Variants in MVB12B observed in about 807,000 individuals in gnomAD.
The protein encoded by MVB12B is ESCRT-I complex subunit MVB12B.
Under a neutral mutation model 41.6 loss-of-function variants are expected in MVB12B, and 16 were observed. That is an observed-to-expected ratio of 0.38 (90% CI 0.26 to 0.58). The LOEUF (loss-of-function observed/expected upper bound fraction) is 0.58. Among genes scored for constraint, MVB12B ranks in the 20% least tolerant of loss-of-function variants. The pLI, the probability that MVB12B is intolerant of heterozygous loss-of-function variation, is 0.62. For synonymous variants in MVB12B, 133 were observed against 139.7 expected, an observed-to-expected ratio of 0.95 and a Z score of 0.34; for missense variants, 274 against 380.2, an observed-to-expected ratio of 0.72 and a Z score of 2.32.
chr9:126,447,160 G>T (rs1165871954), intron 7 of MVB12B, among the ~76,000 whole-genome samples: 1 of 150,232 alleles, frequency 6.7e-6, no homozygotes, highest in Non-Finnish European at 1.5e-5. Context: ...GGCCAGGCTG[G>T]TCTCCAACTC....
intron 6 of MVB12B, among the ~76,000 whole-genome samples, chr9:126,409,104 G>A (rs1018143630): frequency 1.3e-5 from 2 of 149,254 alleles, no homozygotes; most frequent in Non-Finnish European, 3.0e-5. Flanking sequence ...ACGGCATCGT[G>A]ACTTCCATTG....
chr9:126,396,475 T>G, intron 6 of MVB12B: 1 of 985,492 alleles, frequency 1.0e-6, no homozygotes, highest in Non-Finnish European at 1.2e-6. Flanking sequence ...AGAATGGATC[T>G]CCAAGCTTCC....
In MVB12B at chr9:126,492,851, A is replaced by G. The variant is rs536980834; in HGVS notation, c.873+8819A>G. ...AGAGAGAGACCCTGTCTCTTAAAAC[A>G]AAAAACAATTTGGCCACTCTTCAAG... On this transcript the variant is annotated intron_variant, in intron 9 of 9. Transcript: ENST00000361171. Among the ~76,000 whole-genome samples, 47 of 152,298 alleles carry G rather than the reference A, an allele frequency of 3.1e-4. 1 individual carries two copies. Among genetic ancestry groups the G allele is most frequent in the Non-Finnish European group, 5.6e-4 (38 of 68,018 alleles).
At chr9:126,371,970 G>A (rs1489219035) in intron 2 of MVB12B, among the ~76,000 whole-genome samples, 1 of 152,064 alleles carries the variant, frequency 6.6e-6, no homozygotes, top group Non-Finnish European at 1.5e-5. Flanking sequence ...AACTATCACT[G>A]CCACCTAATT....
intron 6 of MVB12B, among the ~76,000 whole-genome samples, chr9:126,415,278 T>G (rs1239565030): frequency 6.6e-6 from 1 of 152,148 alleles, no homozygotes; most frequent in Non-Finnish European, 1.5e-5. Context: ...GAGTATTGGG[T>G]TAACTGACCA....
intron 9 of MVB12B, among the ~76,000 whole-genome samples, chr9:126,499,291 A>G: frequency 6.6e-6 from 1 of 152,004 alleles, no homozygotes; most frequent in East Asian, 1.9e-4. Context: ...AACCCCTGAC[A>G]GTTACATCTC....
intron 9 of MVB12B, among the ~76,000 whole-genome samples, chr9:126,490,224 A>C (rs190398236): frequency 6.6e-6 from 1 of 152,278 alleles, no homozygotes; most frequent in Admixed American, 6.5e-5. Flanking sequence ...TCTGCAGTCC[A>C]GGCGGGAGCT....
At chr9:126,379,356 C>A (rs1175400502) in intron 2 of MVB12B, among the ~76,000 whole-genome samples, 2 of 152,156 alleles carry the variant, frequency 1.3e-5, no homozygotes, top group Non-Finnish European at 2.9e-5. Flanking sequence ...AGACAAAAAT[C>A]TTTCAAAACA....
intron 6 of MVB12B, among the ~76,000 whole-genome samples, chr9:126,401,566 C>T (rs1831269282): frequency 6.6e-6 from 1 of 152,204 alleles, no homozygotes; most frequent in African/African-American, 2.4e-5. Context: ...GAACATAGAT[C>T]CTTGCTGACC....
intron 2 of MVB12B, among the ~76,000 whole-genome samples, chr9:126,344,211 C>T (rs1829528388): frequency 1.3e-5 from 2 of 152,190 alleles, no homozygotes; most frequent in African/African-American, 4.8e-5. Context: ...CACACAGCTC[C>T]TGCCTTCATG....
chr9:126,376,393 T>C lies in MVB12B; in HGVS notation c.205-4671T>C. On this transcript the variant is annotated intron_variant, in intron 2 of 9. Coordinates refer to ENST00000361171, the MANE Select transcript of MVB12B (RefSeq NM_033446.3). The surrounding 1 kb of genome is among the most constrained non-coding windows in gnomAD (Gnocchi z 4.1). ...TTCTATTTTGGGCCCTTCTGTCATGTCTGAGCCTGTCCCCAGTGCCTGGTG... is the reference window on the plus strand; with the variant it reads ...TTCTATTTTGGGCCCTTCTGTCATGCCTGAGCCTGTCCCCAGTGCCTGGTG... 1.4e-6 allele frequency: 1 copy of C among 728,908 alleles called. No homozygotes were observed. Among genetic ancestry groups the C allele is most frequent in the Non-Finnish European group, 2.1e-6 (1 of 478,680 alleles). 45.2% of individuals were successfully genotyped at this position (728,908 alleles called of 1,614,324 possible).
intron 7 of MVB12B, among the ~76,000 whole-genome samples, chr9:126,450,315 C>T (rs1268071712): frequency 1.3e-5 from 2 of 152,204 alleles, no homozygotes; most frequent in Non-Finnish European, 2.9e-5. Context: ...CAGATCTGTC[C>T]GGGGACTAGT....
Position 126,486,341 on chromosome 9 carries a change from G to T in MVB12B, c.873+2309G>T, listed in dbSNP as rs773686389. Among the ~76,000 whole-genome samples the T allele has an allele frequency of 6.6e-6, 1 of 152,160 alleles. No homozygotes were observed. Among genetic ancestry groups the T allele is most frequent in the African/African-American group, 2.4e-5 (1 of 41,420 alleles). ...ACAGCCCATTTGCATGGGGCCCTGC[G>T]TGTGGTGCAGCCCAGGGTATGTGAG... On this transcript the variant is annotated intron_variant, in intron 9 of 9. Coordinates refer to ENST00000361171, the MANE Select transcript of MVB12B (RefSeq NM_033446.3). This position sits in a 1 kb window ranked among gnomAD's most constrained non-coding sequence, Gnocchi z 4.7.
At chr9:126,415,145 C>T (rs1831775381) in intron 6 of MVB12B, among the ~76,000 whole-genome samples, 1 of 152,226 alleles carries the variant, frequency 6.6e-6, no homozygotes, top group African/African-American at 2.4e-5. Flanking sequence ...AGCTCCTGAT[C>T]TCTTGCTTCC....
chr9:126,422,045 C>G (rs1168711123), intron 7 of MVB12B, 97 bp downstream of exon 7: 4 of 867,322 alleles, frequency 4.6e-6, no homozygotes, highest in Non-Finnish European at 5.7e-6. Flanking sequence ...ATCTGTCTGC[C>G]TTACCTCTCT....
In MVB12B at chr9:126,480,568, C is replaced by A. The variant is rs1231913761; in HGVS notation, c.758-801C>A. Among the ~76,000 whole-genome samples, 1 of 152,178 alleles carries A rather than the reference C, an allele frequency of 6.6e-6. No individual in the cohort carries two copies. The highest frequency in any genetic ancestry group is 1.9e-4 in the East Asian group (1 of 5,194). On this transcript the variant is annotated intron_variant, in intron 7 of 9. Coordinates refer to ENST00000361171, the MANE Select transcript of MVB12B (RefSeq NM_033446.3). This position sits in a 1 kb window ranked among gnomAD's most constrained non-coding sequence, Gnocchi z 4.9. The stretch of plus-strand genomic sequence containing the variant: ...GGGTGGCCACAGAAAAGGAACCAGG[C>A]CCCTGGTTTCTCCATCGTTGCGTCC...
chr9:126,446,181 G>C (rs543040459), intron 7 of MVB12B, among the ~76,000 whole-genome samples: 4 of 151,830 alleles, frequency 2.6e-5, no homozygotes, highest in African/African-American at 9.7e-5. Context: ...ACTAATTTGA[G>C]TTTCATATAA....
At chr9:126,337,650 C>T (rs561242775) in intron 1 of MVB12B, among the ~76,000 whole-genome samples, 4 of 152,308 alleles carry the variant, frequency 2.6e-5, no homozygotes, top group Non-Finnish European at 5.9e-5. Context: ...TGATGTGAGC[C>T]TCAACTGGGA....
chr9:126,457,908 T>C (rs1321696590), intron 7 of MVB12B, among the ~76,000 whole-genome samples: 3 of 152,128 alleles, frequency 2.0e-5, no homozygotes, highest in Admixed American at 2.0e-4. Flanking sequence ...CAAAACCAGA[T>C]AATAAAAGCG....
Sources: allele counts gnomAD v4.1 joint callset (sites outside exome capture counted in the v4.1 genomes callset), GRCh38; gene constraint gnomAD v4.1.1; non-coding constraint Gnocchi (gnomAD v3.1); transcripts MANE v1.5; gene names NCBI Gene and HGNC (gene_info 2026-07-23, HGNC 2026-07-21).